GLIS1: variants seen among roughly 807,000 people sequenced by gnomAD.
GLIS1 encodes the protein GLIS family zinc finger 1.
GLIS1 carries 24 observed loss-of-function variants against 63.8 expected under a neutral mutation model. The ratio of observed to expected loss-of-function variants is 0.38; its 90% CI spans 0.27 to 0.53. The LOEUF (loss-of-function observed/expected upper bound fraction) is 0.53. GLIS1 is among the 20% of genes least tolerant of loss of function. GLIS1 has a pLI of 0.85. For missense variants in GLIS1, 1,036 were observed against 1,074.1 expected (o/e 0.96, Z 0.50); for synonymous variants, 450 against 482.5 (o/e 0.93, Z 0.88).
intron 8 of GLIS1, 89 bp from the exon 9 acceptor site, chr1:53,510,116 G>A (rs1161747569): frequency 3.9e-5 from 26 of 658,444 alleles, no homozygotes; most frequent in Admixed American, 1.3e-4. Flanking sequence ...CCCCTCCAGC[G>A]ACGGGGAGCC....
intron 4 of GLIS1, among the ~76,000 whole-genome samples, chr1:53,580,812 C>T (rs1042486119): frequency 6.6e-6 from 1 of 152,164 alleles, no homozygotes; most frequent in African/African-American, 2.4e-5. Context: ...AATCATTTTT[C>T]CTGCTGCATT....
chr1:53,700,086 G>A (rs1197441983), intron 2 of GLIS1, among the ~76,000 whole-genome samples: 1 of 152,196 alleles, frequency 6.6e-6, no homozygotes, highest in Admixed American at 6.5e-5. Flanking sequence ...GACTCTATCA[G>A]GGGATGGCAG....
At chr1:53,725,600 G>T (rs982647074) in intron 2 of GLIS1, among the ~76,000 whole-genome samples, 4 of 152,174 alleles carry the variant, frequency 2.6e-5, no homozygotes, top group African/African-American at 7.2e-5. Flanking sequence ...GACCCTCCAG[G>T]CTGCGAGCTC....
rs542102068 is a variant in GLIS1 at position 53,605,908 on chromosome 1, T to C, written c.260-5630A>G. On this transcript the variant is annotated intron_variant, in intron 2 of 10. Coordinates refer to ENST00000628545, the MANE Select transcript of GLIS1 (RefSeq NM_001367484.1). ...AGGTGGCTGGGAGGCCTGTCTCAAG[T>C]TTACTTTTGTGCCTACTATATGCCA... Among the ~76,000 whole-genome samples, 27 of 152,266 alleles carry C rather than the reference T, an allele frequency of 1.8e-4. 1 individual carries two copies. The South Asian group carries it at 5.6e-3, about 32-fold the overall frequency.
chr1:53,578,905 A>G (rs1371748040), intron 4 of GLIS1, among the ~76,000 whole-genome samples: 1 of 152,080 alleles, frequency 6.6e-6, no homozygotes, highest in African/African-American at 2.4e-5. Context: ...AAGCCCAGAG[A>G]AGGGAAGGGG....
At chr1:53,688,428 A>G (rs1054872759) in intron 2 of GLIS1, among the ~76,000 whole-genome samples, 7 of 151,686 alleles carry the variant, frequency 4.6e-5, no homozygotes, top group Non-Finnish European at 8.8e-5. Flanking sequence ...TAGGGACTAC[A>G]CCCAGTCCCC....
chr1:53,574,896 A>C lies in GLIS1; in HGVS notation c.1320+19212T>G, dbSNP rs993925213. Among the ~76,000 whole-genome samples the C allele has an allele frequency of 6.6e-6, 1 of 152,106 alleles. No individual in the cohort carries two copies. Reference sequence around the variant, plus strand: ...CCCTCGCCCACAGTCAGGCTCCTTCACAGCAACTCTCTTAACAAATGGTGT... The same window carrying C: ...CCCTCGCCCACAGTCAGGCTCCTTCCCAGCAACTCTCTTAACAAATGGTGT... On this transcript the variant is annotated intron_variant, in intron 4 of 10. Coordinates refer to ENST00000628545, the MANE Select transcript of GLIS1 (RefSeq NM_001367484.1). This position sits in a 1 kb window ranked among gnomAD's most constrained non-coding sequence, Gnocchi z 4.2.
rs6677983 is a variant in GLIS1 at position 53,561,213 on chromosome 1, G to A, written c.1321-31261C>T. The stretch of plus-strand genomic sequence containing the variant: ...TACACCACTTGTGTAAGGTTACACG[G>A]TAAGTGGGAGAGCTCCAGGATTCAG... On this transcript the variant is annotated intron_variant, in intron 4 of 10. Transcript: ENST00000628545. 3.6e-3 allele frequency among the ~76,000 whole-genome samples: 546 copies of A among 152,324 alleles called. 2 individuals are homozygous for A. The highest frequency in any genetic ancestry group is 0.013 in the African/African-American group (534 of 41,566).
chr1:53,668,674 T>C (rs901735215), intron 2 of GLIS1, among the ~76,000 whole-genome samples: 4 of 152,076 alleles, frequency 2.6e-5, no homozygotes, highest in African/African-American at 9.7e-5. Context: ...TGTTTAGATA[T>C]GTTTTAGATA....
rs1645228784 is a variant in GLIS1, at chr1:53,594,440, C to G, written c.988G>C (p.Glu330Gln). 1.2e-6 allele frequency: 2 copies of G among 1,612,812 alleles called. No homozygotes were observed. Among genetic ancestry groups the G allele is most frequent in the African/African-American group, 2.7e-5 (2 of 74,950 alleles). ...LKQEPADEFS[E>Q]LFGPHQQGLP... ...CCCTGCTGGTGAGGCCCAAAGAGCT[C>G]TGAAAACTCATCCGCGGGTTCCTGC... The change falls in exon 4 of 11, where the codon GAG becomes CAG. Residue 330 changes from glutamate (E) to glutamine (Q), a missense_variant. By Grantham distance (29) the Glu-to-Gln change is conservative. Coordinates refer to ENST00000628545, the MANE Select transcript of GLIS1 (RefSeq NM_001367484.1).
At chr1:53,623,678 G>T (rs2100213488) in intron 2 of GLIS1, among the ~76,000 whole-genome samples, 1 of 152,236 alleles carries the variant, frequency 6.6e-6, no homozygotes, top group Admixed American at 6.5e-5. Flanking sequence ...TAGACACGTT[G>T]CAAGATATAA....
At chr1:53,674,467 T>C (rs890956123) in intron 2 of GLIS1, among the ~76,000 whole-genome samples, 1 of 152,186 alleles carries the variant, frequency 6.6e-6, no homozygotes, top group African/African-American at 2.4e-5. Flanking sequence ...TCTAAATTAC[T>C]TAAGTTCTCT....
intron 2 of GLIS1, among the ~76,000 whole-genome samples, chr1:53,731,210 C>T (rs545292760): frequency 3.3e-5 from 5 of 152,362 alleles, no homozygotes; most frequent in African/African-American, 9.6e-5. Context: ...GGGCCCCCTC[C>T]ATGGCCTCAG....
At chr1:53,642,448 C>A (rs1569972223) in intron 2 of GLIS1, among the ~76,000 whole-genome samples, 1 of 152,270 alleles carries the variant, frequency 6.6e-6, no homozygotes, top group East Asian at 1.9e-4. Context: ...CGGGGCCCTG[C>A]CACAATACGC....
chr1:53,675,181 C>A (rs1000982443), intron 2 of GLIS1, among the ~76,000 whole-genome samples: 1 of 152,174 alleles, frequency 6.6e-6, no homozygotes, highest in African/African-American at 2.4e-5. Flanking sequence ...TCCTGAAATT[C>A]CCCAAAATAG....
At chr1:53,634,034 A>G (rs1474064801) in intron 2 of GLIS1, among the ~76,000 whole-genome samples, 1 of 152,190 alleles carries the variant, frequency 6.6e-6, no homozygotes, top group African/African-American at 2.4e-5. Context: ...GTTATCAGGG[A>G]GTAAGAGAGA....
chr1:53,672,030 C>T (rs1000989382), intron 2 of GLIS1, among the ~76,000 whole-genome samples: 1 of 152,226 alleles, frequency 6.6e-6, no homozygotes, highest in Non-Finnish European at 1.5e-5. Context: ...CTGGGATACA[C>T]AGCAGGCCCT....
At chr1:53,577,176 C>A (rs1181224301) in intron 4 of GLIS1, among the ~76,000 whole-genome samples, 1 of 151,826 alleles carries the variant, frequency 6.6e-6, no homozygotes, top group African/African-American at 2.4e-5. Context: ...TGACCACACC[C>A]CTCTCCTGCC....
At chr1:53,679,445 T>G (rs1049519450) in intron 2 of GLIS1, among the ~76,000 whole-genome samples, 3 of 152,210 alleles carry the variant, frequency 2.0e-5, no homozygotes, top group African/African-American at 7.2e-5. Context: ...CTGAAGCATC[T>G]GCTGCTCCAG....
Sources: allele counts gnomAD v4.1 joint callset (sites outside exome capture counted in the v4.1 genomes callset), GRCh38; gene constraint gnomAD v4.1.1; non-coding constraint Gnocchi (gnomAD v3.1); transcripts MANE v1.5; gene names NCBI Gene and HGNC (gene_info 2026-07-23, HGNC 2026-07-21).